The following CFAP52 variants were observed in gnomAD, a reference collection of about 807,000 sequenced individuals.
The protein encoded by CFAP52 is cilia- and flagella-associated protein 52.
CFAP52 carries 57 observed loss-of-function variants against 70.5 expected under a neutral mutation model. The ratio of observed to expected loss-of-function variants is 0.81; its 90% CI spans 0.65 to 1.01. The LOEUF (loss-of-function observed/expected upper bound fraction) is 1.01, where lower values mean the gene tolerates loss of function less well. Ranked by LOEUF, CFAP52 falls within the 50% of genes least tolerant of loss-of-function variation. The pLI is 0.00. For missense variants in CFAP52, 785 were observed against 788.5 expected (o/e 1.00, Z 0.05); for synonymous variants, 267 against 292.5 (o/e 0.91, Z 0.89).
At chr17:9,634,859 G>A (rs1910704950) in intron 10 of CFAP52, among the ~76,000 whole-genome samples, 1 of 152,126 alleles carries the variant, frequency 6.6e-6, no homozygotes, top group Non-Finnish European at 1.5e-5. Context: ...TTTGTGTGTA[G>A]GTAGTTGTAT....
At chr17:9,632,032 C>G (rs1419928524) in intron 9 of CFAP52, among the ~76,000 whole-genome samples, 2 of 151,500 alleles carry the variant, frequency 1.3e-5, no homozygotes, top group East Asian at 3.9e-4. Flanking sequence ...CTTGGCCTCC[C>G]AAAGCGCTGG....
intron 7 of CFAP52, among the ~76,000 whole-genome samples, chr17:9,608,655 G>A (rs967606693): frequency 6.6e-6 from 1 of 152,094 alleles, no homozygotes; most frequent in South Asian, 2.1e-4. Flanking sequence ...ATTTATAATA[G>A]AAATAGCCAG....
At chr17:9,590,875 G>A (rs1302479774) in intron 3 of CFAP52, among the ~76,000 whole-genome samples, 1 of 152,052 alleles carries the variant, frequency 6.6e-6, no homozygotes, top group Non-Finnish European at 1.5e-5. Context: ...GTGGTGAGAA[G>A]GGTGGAGTTC....
intron 12 of CFAP52, 142 bp downstream of exon 12, chr17:9,638,853 A>G: frequency 1.4e-6 from 1 of 734,744 alleles, no homozygotes; most frequent in South Asian, 1.7e-5. Context: ...CCACTTTGGA[A>G]AGGCCATATC....
At chr17:9,631,459 G>C (rs560574087) in intron 9 of CFAP52, among the ~76,000 whole-genome samples, 1 of 152,280 alleles carries the variant, frequency 6.6e-6, no homozygotes, top group South Asian at 2.1e-4. Flanking sequence ...AAGGTCAAGA[G>C]GTGACATTAA....
At chr17:9,587,349 T>C (rs1908543658) in intron 3 of CFAP52, among the ~76,000 whole-genome samples, 3 of 152,218 alleles carry the variant, frequency 2.0e-5, no homozygotes, top group Non-Finnish European at 4.4e-5. Flanking sequence ...TGTGTCTTTA[T>C]GGTAGAACAA....
intron 1 of CFAP52, among the ~76,000 whole-genome samples, chr17:9,584,610 T>A (rs904974123): frequency 9.7e-5 from 1 of 10,352 alleles, no homozygotes; most frequent in Non-Finnish European, 4.1e-4. Flanking sequence ...AATGCAGTAT[T>A]TTTTTTTTAA....
At chr17:9,582,029 T>A (rs924243638) in intron 1 of CFAP52, among the ~76,000 whole-genome samples, 1 of 152,208 alleles carries the variant, frequency 6.6e-6, no homozygotes, top group Non-Finnish European at 1.5e-5. Context: ...CATATAATTC[T>A]TTTTCTGCTA....
chr17:9,624,696 C>CT (rs562741834), intron 8 of CFAP52, among the ~76,000 whole-genome samples: 15 of 151,528 alleles, frequency 9.9e-5, no homozygotes, highest in Admixed American at 2.6e-4. Context: ...CTGACTCTGC[C>CT]TTTTTTTTGA....
At chr17:9,594,036 T>A (rs1395448821) in intron 3 of CFAP52, among the ~76,000 whole-genome samples, 157 bp from the exon 4 acceptor site, 6 of 152,166 alleles carry the variant, frequency 3.9e-5, no homozygotes, top group Admixed American at 3.9e-4. Context: ...ATACCTAGTG[T>A]AGTTGAGGAG....
At position 9,612,349 on chromosome 17, in the gene CFAP52, C is replaced by G; in HGVS notation, c.895C>G (p.Arg299Gly). 4 of 1,614,160 alleles carry G rather than the reference C, an allele frequency of 2.5e-6. No individual in the cohort carries two copies. Among genetic ancestry groups the G allele is most frequent in the Non-Finnish European group, 3.4e-6 (4 of 1,180,030 alleles). ...LQGGITSITL[R>G]GEGHQFLVGT... is the part of the protein sequence containing the mutation. The stretch of plus-strand genomic sequence containing the variant: ...AGGCGGCATCACTTCTATCACACTT[C>G]GAGGAGAAGGACACCAGTTTCTCGT... Residue 299 changes from arginine (R) to glycine (G), a missense_variant, in exon 8 of 14, where the codon CGA (arginine) becomes GGA (glycine). Physicochemically the swap from Arg to Gly is moderately radical, Grantham distance 125 (BLOSUM62 -2). Transcript: ENST00000352665.
chr17:9,577,145 A>G (rs1597755741), intron 1 of CFAP52, among the ~76,000 whole-genome samples: 1 of 152,108 alleles, frequency 6.6e-6, no homozygotes, highest in South Asian at 2.1e-4. Flanking sequence ...CTTCGTAACC[A>G]CACAGAAGGA....
At chr17:9,628,521 A>AC (rs1257435670) in intron 8 of CFAP52, 151 bp from the exon 9 acceptor site, 10 of 986,288 alleles carry the variant, frequency 1.0e-5, no homozygotes, top group South Asian at 1.7e-5. Flanking sequence ...CTCGTGATCC[A>AC]CCCCCCTGGC....
chr17:9,601,839 A>C (rs1403185888), intron 6 of CFAP52, among the ~76,000 whole-genome samples: 3 of 152,198 alleles, frequency 2.0e-5, no homozygotes, highest in African/African-American at 7.2e-5. Flanking sequence ...TATGTTCTGC[A>C]CCTGCCTATC....
chr17:9,628,515 T>C (rs895840668), intron 8 of CFAP52, among the ~76,000 whole-genome samples, 157 bp from the exon 9 acceptor site: 2 of 151,846 alleles, frequency 1.3e-5, no homozygotes, highest in Non-Finnish European at 2.9e-5. Context: ...CCTGACCTCG[T>C]GATCCACCCC....
rs775458752 is a variant in CFAP52 at position 9,612,428 on chromosome 17, C to T, written c.974C>T (p.Thr325Met). ...YRVSFTDFKE[T>M]LIATCHFDAV... ...GTCAGCTTCACGGATTTCAAAGAGA[C>T]GCTCATAGCGACTTGTCACTTTGAT... Residue 325 changes from threonine to methionine, a missense_variant, in exon 8 of 14, where the codon ACG (threonine) becomes ATG (methionine). By Grantham distance (81) the Thr-to-Met change is moderately conservative. Transcript: ENST00000352665. 8.1e-6 allele frequency: 13 copies of T among 1,614,164 alleles called. No homozygotes were observed. Among genetic ancestry groups the T allele is most frequent in the East Asian group, 2.2e-5 (1 of 44,880 alleles).
At chr17:9,581,115 A>G (rs1908206692) in intron 1 of CFAP52, among the ~76,000 whole-genome samples, 1 of 152,122 alleles carries the variant, frequency 6.6e-6, no homozygotes, top group East Asian at 1.9e-4. Flanking sequence ...AGGAGATGGA[A>G]ACCATCCTGG....
intron 11 of CFAP52, among the ~76,000 whole-genome samples, chr17:9,636,372 T>C (rs1280644342): frequency 1.3e-5 from 2 of 152,124 alleles, no homozygotes. Flanking sequence ...GCCTTTCCCC[T>C]CGGTTGGCTG....
At chr17:9,586,456 G>A (rs11656430) in intron 2 of CFAP52, among the ~76,000 whole-genome samples, 4 of 151,888 alleles carry the variant, frequency 2.6e-5, no homozygotes, top group African/African-American at 7.3e-5. Context: ...CCAGCTACTC[G>A]GGAGGCTGAG....
Sources: gnomAD v4.1 joint callset for allele counts (sites outside exome capture counted in the v4.1 genomes callset) on GRCh38, gnomAD v4.1.1 for gene constraint, MANE v1.5 for transcripts, NCBI Gene and HGNC (gene_info 2026-07-23, HGNC 2026-07-21) for gene names.